The following STIL variants were observed in gnomAD, a reference collection of about 807,000 sequenced individuals.
The protein encoded by STIL is STIL centriolar assembly protein.
Under a neutral mutation model 110.1 loss-of-function variants are expected in STIL, and 55 were observed. The ratio of observed to expected loss-of-function variants is 0.50; its 90% confidence interval spans 0.40 to 0.63. The LOEUF is 0.63. STIL is among the 20% of genes least tolerant of loss of function. The pLI, the probability that STIL is intolerant of heterozygous loss-of-function variation, is 0.00. For synonymous variants in STIL, 481 were observed against 530.0 expected (o/e 0.91, Z 1.27); for missense variants, 1,358 against 1,530.0 (o/e 0.89, Z 1.87).
intron 1 of STIL, among the ~76,000 whole-genome samples, chr1:47,311,275 CTTTTTTTCTTTTT>C (rs1238323859): frequency 4.2e-5 from 6 of 144,138 alleles, no homozygotes; most frequent in Middle Eastern, 3.6e-3. Flanking sequence ...ATTTTCTTTT[CTTTTTTTCTTTTT>C]TTTTTTTTTT....
intron 13 of STIL, among the ~76,000 whole-genome samples, chr1:47,270,317 GATT>G (rs1229889632): frequency 7.0e-6 from 1 of 142,212 alleles, no homozygotes; most frequent in Non-Finnish European, 1.5e-5. Context: ...TAAGTTTTTA[GATT>G]ATATTTCCTC....
At chr1:47,265,567 G>A (rs1256344365) in intron 14 of STIL, among the ~76,000 whole-genome samples, 1 of 151,780 alleles carries the variant, frequency 6.6e-6, no homozygotes, top group Non-Finnish European at 1.5e-5. Flanking sequence ...GATCATCTGA[G>A]GTCAGGAGTT....
intron 12 of STIL, among the ~76,000 whole-genome samples, chr1:47,277,949 T>C (rs571244319): frequency 6.6e-6 from 1 of 152,234 alleles, no homozygotes; most frequent in Non-Finnish European, 1.5e-5. Flanking sequence ...TTGTCCATGA[T>C]CTTGTAACCT....
At chr1:47,295,989 A>T in intron 6 of STIL, 141 bp from the exon 7 acceptor site, 1 of 644,454 alleles carries the variant, frequency 1.6e-6, no homozygotes, top group Non-Finnish European at 2.7e-6. Context: ...AGAAACAGAA[A>T]CTTTTTACTG....
chr1:47,270,627 G>A (rs1216620651), intron 13 of STIL, among the ~76,000 whole-genome samples: 1 of 144,508 alleles, frequency 6.9e-6, no homozygotes, highest in Non-Finnish European at 1.5e-5. Flanking sequence ...TGTAATATCT[G>A]TAATATCAGG....
chr1:47,276,758 G>A (rs1372482390), intron 12 of STIL, among the ~76,000 whole-genome samples: 1 of 142,266 alleles, frequency 7.0e-6, no homozygotes, highest in Admixed American at 7.3e-5. Context: ...AGGTTGCAGT[G>A]AGCCCAGATC....
chr1:47,280,758 G>C lies in STIL; in HGVS notation c.1700C>G (p.Pro567Arg), dbSNP rs754626458. ...AACAAAATCGTGTGGTTGGGACTGC[G>C]GGGCAAGAGAAGACTGCCTAGAATT... ...TLNSRQSSLA[P>R]QSQPHDFVFS... The change falls in exon 12 of 17, where the codon CCG (proline) becomes CGG (arginine). Residue 567 changes from proline to arginine, a missense_variant. Pro to Arg is a moderately radical substitution (Grantham distance 103). Transcript: ENST00000371877. 1 of 1,613,958 alleles carries C rather than the reference G, an allele frequency of 6.2e-7. No individual in the cohort carries two copies. The highest frequency in any genetic ancestry group is 1.1e-5 in the South Asian group (1 of 91,074).
intron 8 of STIL, among the ~76,000 whole-genome samples, chr1:47,291,579 T>TTTTA (rs1553179019): frequency 4.1e-4 from 63 of 152,082 alleles, no homozygotes; most frequent in South Asian, 8.3e-4. Context: ...CTATTTTATT[T>TTTTA]TTTATTTATT....
chr1:47,268,117 T>C (rs1452756524), intron 14 of STIL, among the ~76,000 whole-genome samples: 3 of 152,202 alleles, frequency 2.0e-5, no homozygotes, highest in Non-Finnish European at 2.9e-5. Flanking sequence ...CACTCAAAAA[T>C]AGACTCTTTT....
chr1:47,286,981 C>T (rs1645320096), intron 10 of STIL, among the ~76,000 whole-genome samples: 1 of 152,090 alleles, frequency 6.6e-6, no homozygotes, highest in Non-Finnish European at 1.5e-5. Flanking sequence ...CCTTGGACTC[C>T]CAAAGTGCTG....
At chr1:47,309,629 A>G (rs1646064687) in intron 2 of STIL, among the ~76,000 whole-genome samples, 1 of 152,222 alleles carries the variant, frequency 6.6e-6, no homozygotes, top group South Asian at 2.1e-4. Flanking sequence ...TTCACATGTC[A>G]GCATTAACTG....
intron 15 of STIL, among the ~76,000 whole-genome samples, chr1:47,261,462 C>T (rs770421512): frequency 6.7e-6 from 1 of 148,848 alleles, no homozygotes; most frequent in Non-Finnish European, 1.5e-5. Flanking sequence ...CATTTGAGTA[C>T]AGGCGTGTGG....
chr1:47,287,772 G>A, intron 9 of STIL, 112 bp from the exon 10 acceptor site: 4 of 819,792 alleles, frequency 4.9e-6, no homozygotes, highest in Non-Finnish European at 6.1e-6. Flanking sequence ...GCAGACTTCT[G>A]ATTTCTGTAA....
intron 11 of STIL, 136 bp from the exon 12 acceptor site, chr1:47,281,345 G>A: frequency 1.0e-6 from 1 of 982,500 alleles, no homozygotes; most frequent in Admixed American, 3.0e-5. Flanking sequence ...TAGACCATCA[G>A]TTAATTTTTT....
intron 5 of STIL, among the ~76,000 whole-genome samples, chr1:47,300,580 G>A (rs1248549801): frequency 6.6e-6 from 1 of 151,740 alleles, no homozygotes; most frequent in Non-Finnish European, 1.5e-5. Context: ...CGATTCTCCT[G>A]CCTCAACCTC....
chr1:47,278,833 T>C (rs1207984395), intron 12 of STIL, among the ~76,000 whole-genome samples: 5 of 151,950 alleles, frequency 3.3e-5, no homozygotes, highest in African/African-American at 7.2e-5. Flanking sequence ...AAAAAAACTA[T>C]ACTTTACAAT....
Position 47,282,405 on chromosome 1 carries a change from A to C in STIL, c.1188T>G (p.Gly396=). 6.2e-7 allele frequency: 1 copy of C among 1,613,312 alleles called. No homozygotes were observed. Among genetic ancestry groups the C allele is most frequent in the East Asian group, 2.2e-5 (1 of 44,834 alleles). The change falls in exon 11 of 17, where the codon GGT becomes GGG. Residue 396 remains glycine, a synonymous_variant. Transcript: ENST00000371877. The part of the protein sequence containing the change: ...GKMPIHDHDS[G]VEDEDFSPRP... ...TTGGAGAAAAATCTTCATCTTCAACACCAGAGTCGTGATCATGTATTGGCA... is the reference window on the plus strand; with the variant it reads ...TTGGAGAAAAATCTTCATCTTCAACCCCAGAGTCGTGATCATGTATTGGCA...
chr1:47,263,156 TTAACA>T (rs752696148), intron 14 of STIL, 40 bp from the exon 15 acceptor site: 10 of 1,563,552 alleles, frequency 6.4e-6, no homozygotes, highest in Non-Finnish European at 7.9e-6. Context: ...TGAGGTACCT[TTAACA>T]TATAATTGAA....
chr1:47,280,204 C>A, intron 12 of STIL, 37 bp downstream of exon 12: 1 of 1,613,442 alleles, frequency 6.2e-7, no homozygotes, highest in South Asian at 1.1e-5. Context: ...ATCTTAATAC[C>A]AAGAAATTAA....
Sources: gnomAD v4.1 joint callset for allele counts (sites outside exome capture counted in the v4.1 genomes callset) on GRCh38, gnomAD v4.1.1 for gene constraint, MANE v1.5 for transcripts, NCBI Gene and HGNC (gene_info 2026-07-23, HGNC 2026-07-21) for gene names.